The following PLB1 variants were observed in gnomAD, a reference collection of about 807,000 sequenced individuals.
PLB1 encodes the protein phospholipase B1, also known as phospholipase B1, membrane-associated.
A neutral mutation model predicts 227.4 loss-of-function variants in PLB1; 242 were observed. The ratio of observed to expected loss-of-function variants is 1.06; its 90% CI spans 0.96 to 1.18. The LOEUF (loss-of-function observed/expected upper bound fraction) is 1.18. PLB1 is among the 50% of genes most tolerant of loss of function. The pLI is 0.00. For synonymous variants in PLB1, 757 were observed against 682.2 expected (o/e 1.11, Z -1.71); for missense variants, 1,858 against 1,816.3 (o/e 1.02, Z -0.42).
intron 42 of PLB1, 94 bp downstream of exon 42, chr2:28,606,042 G>A (rs775155308): frequency 5.1e-6 from 5 of 976,644 alleles, no homozygotes; most frequent in South Asian, 1.4e-5. Context: ...TGAGGCTGAG[G>A]GGGCAGTGGC....
At chr2:28,566,586 T>C in intron 19 of PLB1, 1 of 545,494 alleles carries the variant, frequency 1.8e-6, no homozygotes, top group Non-Finnish European at 3.3e-6. Context: ...GGTTTAAAGC[T>C]GGCGTTTTGT....
chr2:28,566,837 C>A lies in PLB1; in HGVS notation c.1322C>A (p.Ala441Glu). 4 of 1,613,962 alleles carry A rather than the reference C, an allele frequency of 2.5e-6. No homozygotes were observed. Among genetic ancestry groups the A allele is most frequent in the Non-Finnish European group, 1.7e-6 (2 of 1,180,008 alleles). The stretch of plus-strand genomic sequence containing the variant: ...AACATCGGCACCGTTACCACCCTGG[C>A]GAGTGAGTACGCGGCGGCGGCCGGG... ...DENIGTVTTL[A>E]NILREFNPSL... The change falls in exon 20 of 58, where the codon GCG becomes GAG. Residue 441 changes from alanine (A) to glutamate (E), a missense_variant and splice_region_variant. Coordinates refer to ENST00000327757, the MANE Select transcript of PLB1 (RefSeq NM_153021.5).
At chr2:28,562,540 C>CAGAAAAAAAAAA (rs1676216013) in intron 17 of PLB1, among the ~76,000 whole-genome samples, 1 of 42,606 alleles carries the variant, frequency 2.3e-5, no homozygotes, top group African/African-American at 1.1e-4. Flanking sequence ...GACTCTGTCT[C>CAGAAAAAAAAAA]AAAAAAAAAA....
In PLB1 at chr2:28,505,867, C is replaced by A. The variant is rs567044319; in HGVS notation, c.55+9698C>A. Among the ~76,000 whole-genome samples, 13 of 152,240 alleles carry A rather than the reference C, an allele frequency of 8.5e-5. No individual in the cohort carries two copies. In the East Asian group the frequency reaches 2.5e-3, roughly 29 times the overall value. ...ACACCTAGTTGGTGGCATAGCCATC[C>A]CCGAATCTCTGGTGTTAGACTCTAC... is the stretch of plus-strand genomic sequence containing the variant. On this transcript the variant is annotated intron_variant, in intron 1 of 57. Transcript: ENST00000327757.
chr2:28,607,898 C>T (rs1448186156), intron 43 of PLB1, among the ~76,000 whole-genome samples: 4 of 152,178 alleles, frequency 2.6e-5, no homozygotes, highest in Non-Finnish European at 5.9e-5. Context: ...CAAAAGCAGC[C>T]ATCATTTGCT....
chr2:28,644,018 T>C lies in PLB1; in HGVS notation c.*957T>C, dbSNP rs1458156988. ...GGGGTAAAGGGAAAATCTTTGAAAATAGAAGTGATGCTTGCGCAACACCGT... is the reference window on the plus strand; with the variant it reads ...GGGGTAAAGGGAAAATCTTTGAAAACAGAAGTGATGCTTGCGCAACACCGT... On this transcript the variant is annotated 3_prime_UTR_variant, in exon 58 of 58. Coordinates refer to ENST00000327757, the MANE Select transcript of PLB1 (RefSeq NM_153021.5). Among the ~76,000 whole-genome samples the C allele has an allele frequency of 1.3e-5, 2 of 152,150 alleles. No individual in the cohort carries two copies. The highest frequency in any genetic ancestry group is 2.9e-5 in the Non-Finnish European group (2 of 68,024).
At chr2:28,578,684 C>T (rs1679412776) in intron 22 of PLB1, among the ~76,000 whole-genome samples, 1 of 152,020 alleles carries the variant, frequency 6.6e-6, no homozygotes, top group South Asian at 2.1e-4. Context: ...GCAGCTCTCC[C>T]TCAAATGAAA....
intron 23 of PLB1, 86 bp from the exon 24 acceptor site, chr2:28,581,981 GA>G (rs1680099733): frequency 8.4e-7 from 1 of 1,193,522 alleles, no homozygotes; most frequent in African/African-American, 1.7e-5. Flanking sequence ...AAAAAAAAAA[GA>G]AGGGGACCCA....
At chr2:28,556,387 G>C (rs1040410778) in intron 17 of PLB1, among the ~76,000 whole-genome samples, 2 of 152,164 alleles carry the variant, frequency 1.3e-5, no homozygotes, top group African/African-American at 4.8e-5. Flanking sequence ...CCTAGGATGA[G>C]ATACATAGAG....
Position 28,620,277 on chromosome 2 carries a change from G to A in PLB1, c.3328G>A (p.Ala1110Thr). Residue 1110 changes from alanine (A) to threonine (T), a missense_variant, in exon 47 of 58, where the codon GCT (alanine) becomes ACT (threonine). Physicochemically the swap from Ala to Thr is moderately conservative, Grantham distance 58. Transcript: ENST00000327757. ...LGDSLTTAVG[A>T]RPNNSSDLPT... ...TTGCTTTTTACAGACAGCAGTGGGA[G>A]CTCGACCAAACAACTCCAGTGACCT... is the stretch of plus-strand genomic sequence containing the variant. The A allele has an allele frequency of 1.2e-6, 2 of 1,603,004 alleles. No homozygotes were observed. The highest frequency in any genetic ancestry group is 1.7e-6 in the Non-Finnish European group (2 of 1,173,358).
chr2:28,547,855 T>A (rs934608780), intron 14 of PLB1, among the ~76,000 whole-genome samples: 238 of 152,060 alleles, frequency 1.6e-3, no homozygotes, highest in African/African-American at 5.3e-3. Context: ...AAACAACTTT[T>A]AAAAAAAATC....
chr2:28,514,341 G>A (rs1668597962), intron 1 of PLB1, among the ~76,000 whole-genome samples: 1 of 152,136 alleles, frequency 6.6e-6, no homozygotes. Flanking sequence ...GATCACAGTA[G>A]CTTTATCTTC....
intron 51 of PLB1, among the ~76,000 whole-genome samples, chr2:28,627,768 G>A (rs1251442874): frequency 6.6e-6 from 1 of 152,128 alleles, no homozygotes; most frequent in African/African-American, 2.4e-5. Flanking sequence ...TGGGCTGCCT[G>A]AGCTCTCCCC....
chr2:28,518,788 T>A (rs1669150631), intron 3 of PLB1, among the ~76,000 whole-genome samples: 1 of 152,226 alleles, frequency 6.6e-6, no homozygotes, highest in Non-Finnish European at 1.5e-5. Context: ...GAGTTAGAGC[T>A]TGGCCATTCA....
intron 4 of PLB1, among the ~76,000 whole-genome samples, chr2:28,520,890 G>A (rs1006325897): frequency 3.9e-5 from 6 of 152,112 alleles, no homozygotes; most frequent in Non-Finnish European, 5.9e-5. Flanking sequence ...CAGGAGAATC[G>A]CTTGAACCCA....
In PLB1 at chr2:28,565,369, G is replaced by A. The variant is rs747494824; in HGVS notation, c.1280+16G>A. ...TGTCCTGGAGGTGAGTGAGGGTGTG[G>A]CAAGGCCCCAAAGGCCCCTTCATTG... On this transcript the variant is annotated intron_variant, in intron 19 of 57. Transcript: ENST00000327757. 1 of 1,597,276 alleles carries A rather than the reference G, an allele frequency of 6.3e-7. No homozygotes were observed. Among genetic ancestry groups the A allele is most frequent in the Non-Finnish European group, 8.5e-7 (1 of 1,171,344 alleles).
rs543489919 is a variant in PLB1, at chr2:28,520,015, G to A, written c.243+252G>A. ...GCAACCTTGGCTGACCACAACCTCC[G>A]TTTCCCGGGTTCAAGTGATTCTCCT... is the stretch of plus-strand genomic sequence containing the variant. On this transcript the variant is annotated intron_variant, in intron 4 of 57. Transcript: ENST00000327757. Among the ~76,000 whole-genome samples the A allele has an allele frequency of 1.2e-3, 190 of 152,110 alleles. 2 individuals carry two copies. Among genetic ancestry groups the A allele is most frequent in the African/African-American group, 4.3e-3 (179 of 41,506 alleles).
chr2:28,623,860 G>T (rs1193638070), intron 49 of PLB1, among the ~76,000 whole-genome samples: 4 of 152,208 alleles, frequency 2.6e-5, no homozygotes, highest in African/African-American at 9.6e-5. Flanking sequence ...CCAGCACTTT[G>T]GGAGGCCAAG....
intron 44 of PLB1, 141 bp downstream of exon 44, chr2:28,614,237 G>C: frequency 1.2e-6 from 1 of 861,206 alleles, no homozygotes; most frequent in Non-Finnish European, 1.9e-6. Context: ...GTACAGAAAA[G>C]GCTCCCGGAC....
Sources: allele counts gnomAD v4.1 joint callset (sites outside exome capture counted in the v4.1 genomes callset), GRCh38; gene constraint gnomAD v4.1.1; transcripts MANE v1.5; gene names NCBI Gene and HGNC (gene_info 2026-07-23, HGNC 2026-07-21).